ANK2: variants seen among roughly 807,000 people sequenced by gnomAD.
ANK2 encodes the protein ankyrin 2, also known as ankyrin-2.
In ANK2, 83 loss-of-function variants were observed where a neutral mutation model predicts 360.5. The observed-to-expected ratio is 0.23, with a 90% CI of 0.19 to 0.28. The LOEUF is 0.28. ANK2 is among the 10% of genes least tolerant of loss of function. The probability of loss-of-function intolerance (pLI) is 1.00; values close to 1 mark genes in which losing one functional copy is unlikely to be tolerated. For synonymous variants in ANK2, 1,740 were observed against 1,759.5 expected (o/e 0.99, Z 0.28); for missense variants, 4,201 against 4,795.7 (o/e 0.88, Z 3.66).
chr4:113,017,421 T>C (rs1335769411), intron 2 of ANK2, among the ~76,000 whole-genome samples: 6 of 152,126 alleles, frequency 3.9e-5, no homozygotes, highest in Non-Finnish European at 5.9e-5. Flanking sequence ...TTGATATTTT[T>C]TGTTTGAAGA....
At chr4:112,972,784 C>A (rs2039999689) in intron 2 of ANK2, among the ~76,000 whole-genome samples, 1 of 151,940 alleles carries the variant, frequency 6.6e-6, no homozygotes, top group Admixed American at 6.6e-5. Flanking sequence ...GTCCATTGAC[C>A]AACGAGTGGA....
intron 1 of ANK2, among the ~76,000 whole-genome samples, chr4:113,163,751 T>G (rs2097640907): frequency 1.1e-5 from 1 of 89,308 alleles, no homozygotes; most frequent in Non-Finnish European, 2.0e-5. Flanking sequence ...GCAACAAGAG[T>G]GAAACTTCGT....
chr4:113,375,028 A>G (rs2096875431), intron 45 of ANK2: 2 of 702,580 alleles, frequency 2.8e-6, no homozygotes, highest in South Asian at 8.0e-5. Flanking sequence ...TTGTCATTGT[A>G]TCATTCTATA....
At chr4:112,961,451 AT>A in intron 2 of ANK2, among the ~76,000 whole-genome samples, 1 of 152,164 alleles carries the variant, frequency 6.6e-6, no homozygotes. Context: ...AAGATTCTGA[AT>A]ATAGGACAGA....
chr4:113,037,051 G>A (rs62314882), intron 2 of ANK2, among the ~76,000 whole-genome samples: 53,593 of 151,736 alleles, frequency 0.35, 10,919 homozygotes, highest in Non-Finnish European at 0.47. Context: ...TACTTGCAGT[G>A]GTGTATAATA....
rs751771907 is a variant in ANK2, at chr4:112,828,232, C to CTTT, written c.-40+9986_-40+9988dup. On this transcript the variant is annotated intron_variant, in intron 1 of 30. Transcript: ENST00000503271. ...AAATCAACTCAAGATGAATTACGGA[C>CTTT]TTTTTTTTTTTTTTTTTTTTGAGAC... Among the ~76,000 whole-genome samples the CTTT allele has an allele frequency of 1.0e-2, 1,093 of 109,554 alleles. 58 individuals are homozygous for CTTT. Among genetic ancestry groups the CTTT allele is most frequent in the African/African-American group, 0.027 (743 of 28,034 alleles). The allele number at this position is 109,554 out of a possible 152,430, so 71.9% of individuals were successfully genotyped here. A position where few individuals can be genotyped will look rare whatever the true frequency, so the allele number is the denominator to read the frequency against.
In ANK2 at chr4:113,381,921, C is replaced by T; in HGVS notation, c.*450C>T. ...CCACCTCCATTGTTCTTTGCTTCTG[C>T]ACAAGATCCATGAAAATCCATTGAT... On this transcript the variant is annotated 3_prime_UTR_variant, in exon 46 of 46. Transcript: ENST00000357077. The T allele has an allele frequency of 2.9e-6, 1 of 343,140 alleles. No homozygotes were observed. Among genetic ancestry groups the T allele is most frequent in the Admixed American group, 3.8e-5 (1 of 26,186 alleles). 21.3% of individuals were successfully genotyped at this position (343,140 alleles called of 1,614,324 possible).
intron 9 of ANK2, among the ~76,000 whole-genome samples, chr4:113,246,421 C>CT (rs1320616829): frequency 1.3e-5 from 2 of 152,134 alleles, no homozygotes; most frequent in African/African-American, 4.8e-5. Flanking sequence ...ATGTGAAACT[C>CT]TAAGACATTT....
chr4:112,923,331 T>C (rs986521802), intron 2 of ANK2, among the ~76,000 whole-genome samples: 1 of 152,304 alleles, frequency 6.6e-6, no homozygotes, highest in Middle Eastern at 3.4e-3. Context: ...TTTGCCCTAG[T>C]AGAGTGCTGT....
At chr4:113,371,509 A>G (rs1165316501) in intron 43 of ANK2, among the ~76,000 whole-genome samples, 1 of 152,218 alleles carries the variant, frequency 6.6e-6, no homozygotes, top group Non-Finnish European at 1.5e-5. Context: ...TGGATAATAC[A>G]TATGTTTAAT....
At chr4:113,343,454 T>G (rs1013880887) in intron 34 of ANK2, among the ~76,000 whole-genome samples, 1 of 152,196 alleles carries the variant, frequency 6.6e-6, no homozygotes, top group Non-Finnish European at 1.5e-5. Flanking sequence ...TTTTAAATAT[T>G]TATGCTTAGA....
chr4:113,057,534 T>C (rs550099526), intron 1 of ANK2, among the ~76,000 whole-genome samples: 1 of 152,304 alleles, frequency 6.6e-6, no homozygotes, highest in South Asian at 2.1e-4. Context: ...CTTTCAGCCT[T>C]AGCCAGCTGC....
chr4:112,888,955 T>C (rs1038873661), intron 1 of ANK2, among the ~76,000 whole-genome samples: 5 of 152,146 alleles, frequency 3.3e-5, no homozygotes, highest in African/African-American at 1.2e-4. Context: ...GCAAGGCTTG[T>C]TAATAGTGAT....
intron 1 of ANK2, among the ~76,000 whole-genome samples, chr4:112,824,082 A>G (rs935812946): frequency 9.2e-5 from 14 of 152,156 alleles, no homozygotes; most frequent in African/African-American, 9.6e-5. Context: ...GTTTCCTTGT[A>G]AAAATTGTTT....
intron 39 of ANK2, among the ~76,000 whole-genome samples, chr4:113,362,035 C>T (rs1470584589): frequency 6.6e-6 from 1 of 152,056 alleles, no homozygotes; most frequent in African/African-American, 2.4e-5. Context: ...ATATACAGTG[C>T]CTATATTTAT....
intron 2 of ANK2, among the ~76,000 whole-genome samples, chr4:113,039,882 C>T (rs1036726572): frequency 3.3e-5 from 5 of 151,848 alleles, no homozygotes; most frequent in South Asian, 2.1e-4. Flanking sequence ...TTATAATGGA[C>T]GTAAATATGG....
intron 2 of ANK2, among the ~76,000 whole-genome samples, chr4:112,947,316 G>A (rs972332465): frequency 2.0e-5 from 3 of 152,048 alleles, no homozygotes; most frequent in Admixed American, 6.6e-5. Flanking sequence ...TATCACCTAA[G>A]GTGCTTACAA....
chr4:113,208,881 A>G (rs989099169), intron 4 of ANK2, among the ~76,000 whole-genome samples: 2 of 151,924 alleles, frequency 1.3e-5, no homozygotes, highest in Non-Finnish European at 2.9e-5. Flanking sequence ...CCTAAAAGAA[A>G]TATAAGTGGT....
intron 2 of ANK2, among the ~76,000 whole-genome samples, chr4:112,970,469 C>T (rs1561343904): frequency 6.6e-6 from 1 of 152,142 alleles, no homozygotes; most frequent in South Asian, 2.1e-4. Flanking sequence ...ATTCTCCTGC[C>T]TCAGCCTCCC....
Sources: gnomAD v4.1 joint callset for allele counts (sites outside exome capture counted in the v4.1 genomes callset) on GRCh38, gnomAD v4.1.1 for gene constraint, MANE v1.5 for transcripts, NCBI Gene and HGNC (gene_info 2026-07-23, HGNC 2026-07-21) for gene names.